Variants in JAG2 observed in about 807,000 individuals in gnomAD.
JAG2 encodes protein jagged-2.
In JAG2, 46 loss-of-function variants were observed where a neutral mutation model predicts 141.7. The ratio of observed to expected loss-of-function variants is 0.32; its 90% CI spans 0.26 to 0.42. The LOEUF is 0.42. JAG2 is among the 10% of genes least tolerant of loss of function. The probability of loss-of-function intolerance (pLI) is 1.00; values close to 1 mark genes in which losing one functional copy is unlikely to be tolerated. For missense variants in JAG2, 1,500 were observed against 1,817.5 expected (o/e 0.83, Z 3.18); for synonymous variants, 862 against 763.5 (o/e 1.13, Z -2.13).
chr14:105,142,728 G>C lies in JAG2; in HGVS notation c.3684C>G (p.Ser1228Arg). ...GPKVDNRAVR[S>R]INEARYAGKE ...TGCCGGCGTAGCGGGCCTCATTGAT[G>C]CTCCTGACCGCGCGGTTGTCCACTT... Residue 1228 changes from serine (S) to arginine (R), a missense_variant, in exon 26 of 26, where the codon AGC becomes AGG. Coordinates refer to ENST00000331782, the MANE Select transcript of JAG2 (RefSeq NM_002226.5). The C allele has an allele frequency of 2.5e-6, 4 of 1,607,910 alleles. No homozygotes were observed. The highest frequency in any genetic ancestry group is 3.4e-6 in the Non-Finnish European group (4 of 1,177,802).
chr14:105,143,240 A>AGGCCTGGGAG, intron 25 of JAG2, 70 bp from the exon 26 acceptor site: 1 of 1,514,516 alleles, frequency 6.6e-7, no homozygotes. Flanking sequence ...CCACACACCC[A>AGGCCTGGGAG]GGCCTGGGAG....
rs1363736087 is a variant in JAG2 at position 105,147,356 on chromosome 14, G to A, written c.2449C>T (p.Pro817Ser). 7 of 1,578,816 alleles carry A rather than the reference G, an allele frequency of 4.4e-6. No homozygotes were observed. Among genetic ancestry groups the A allele is most frequent in the South Asian group, 2.3e-5 (2 of 86,822 alleles). Residue 817 changes from proline (P) to serine (S), a missense_variant, in exon 20 of 26, where the codon CCT becomes TCT. This residue lies in a region of JAG2 where 875 missense variants were observed against 1,202.2 expected (regional missense o/e 0.73). Transcript: ENST00000331782. ...GVNWFRCECA[P>S]GFAGPDCRIN... is the part of the protein sequence containing the mutation. ...CGGCAGTCAGGCCCCGCGAAGCCAG[G>A]TGCACACTCGCAGCGGAACCAGTTG...
At chr14:105,157,983 C>T (rs952588710) in intron 2 of JAG2, among the ~76,000 whole-genome samples, 7 of 152,186 alleles carry the variant, frequency 4.6e-5, no homozygotes, top group Admixed American at 6.5e-5. Flanking sequence ...CTCCAGGCCA[C>T]GCGGGCTCAG....
chr14:105,155,710 C>A, intron 4 of JAG2, 28 bp downstream of exon 4: 1 of 1,612,590 alleles, frequency 6.2e-7, no homozygotes, highest in Non-Finnish European at 8.5e-7. Context: ...CCCTCCCTGC[C>A]CTCCACGCAG....
At chr14:105,159,235 G>A (rs1195939178) in intron 2 of JAG2, among the ~76,000 whole-genome samples, 3 of 149,078 alleles carry the variant, frequency 2.0e-5, no homozygotes, top group African/African-American at 4.9e-5. Flanking sequence ...CCCCGGCCCC[G>A]CCCCCGAGCC....
At chr14:105,147,622 C>A in intron 18 of JAG2, 95 bp from the exon 19 acceptor site, 1 of 1,323,808 alleles carries the variant, frequency 7.6e-7, no homozygotes, top group East Asian at 2.4e-5. Flanking sequence ...GGCTGTGGGG[C>A]TGGGGAGGGT....
Position 105,168,011 on chromosome 14 carries a change from G to C in JAG2, c.163C>G (p.Arg55Gly), listed in dbSNP as rs1181594275. 3.8e-6 allele frequency: 6 copies of C among 1,598,942 alleles called. No homozygotes were observed. The highest frequency in any genetic ancestry group is 5.1e-6 in the Non-Finnish European group (6 of 1,177,086). ...CCGCAGCCCCCCGCGCGCGTTGTCCGGCCGTCGCCGTCACAGCAGGCGCCG... is the reference window on the plus strand; with the variant it reads ...CCGCAGCCCCCCGCGCGCGTTGTCCCGCCGTCGCCGTCACAGCAGGCGCCG... ...LSGACCDGDG[R>G]TTRAGGCGHD... The change falls in exon 2 of 26, where the codon CGG becomes GGG. Residue 55 changes from arginine to glycine, a missense_variant. Arg to Gly is a moderately radical substitution (Grantham distance 125). This residue lies in a region of JAG2 where 200 missense variants were observed against 174.3 expected (regional missense o/e 1.15). Coordinates refer to ENST00000331782, the MANE Select transcript of JAG2 (RefSeq NM_002226.5).
At chr14:105,153,669 C>T (rs1282623188) in intron 5 of JAG2, among the ~76,000 whole-genome samples, 2 of 152,224 alleles carry the variant, frequency 1.3e-5, no homozygotes, top group African/African-American at 2.4e-5. Flanking sequence ...ACAGCTGGGC[C>T]TCCCCGACAG....
Position 105,144,946 on chromosome 14 carries a change from G to T in JAG2, c.3068C>A (p.Ala1023Asp), listed in dbSNP as rs765640374. The change falls in exon 24 of 26, where the codon GCT (alanine) becomes GAT (aspartate). Residue 1023 changes from alanine to aspartate, a missense_variant. Ala to Asp is a moderately radical substitution (Grantham distance 126). This residue lies in a region of JAG2 where 425 missense variants were observed against 441.0 expected (regional missense o/e 0.96). Coordinates refer to ENST00000331782, the MANE Select transcript of JAG2 (RefSeq NM_002226.5). ...GGCACTCACCACGGCCACCTCCACA[G>T]CACTGGCCCCCGAGGACGCCCGGTC... is the stretch of plus-strand genomic sequence containing the variant. ...LCDRASSGAS[A>D]VEVAVSFSPA... is the part of the protein sequence containing the mutation. 2.8e-5 allele frequency: 44 copies of T among 1,599,864 alleles called. 1 individual carries two copies. The Admixed American group carries it at 6.3e-4, about 23-fold the overall frequency.
chr14:105,155,540 G>A, intron 5 of JAG2, 22 bp downstream of exon 5: 1 of 1,612,588 alleles, frequency 6.2e-7, no homozygotes, highest in Non-Finnish European at 8.5e-7. Context: ...GGAGGGCAAA[G>A]ACGGGCCGGC....
intron 2 of JAG2, among the ~76,000 whole-genome samples, chr14:105,158,153 C>T (rs994862503): frequency 1.3e-5 from 2 of 152,168 alleles, no homozygotes; most frequent in South Asian, 4.1e-4. Context: ...AGCCGGGACC[C>T]GAGCGTTTCC....
At chr14:105,148,296 C>A (rs773653051) in intron 16 of JAG2, 30 bp downstream of exon 16, 9 of 1,598,828 alleles carry the variant, frequency 5.6e-6, no homozygotes. Flanking sequence ...TGGGGGCAGC[C>A]CCAGGCGGCC....
intron 2 of JAG2, among the ~76,000 whole-genome samples, chr14:105,166,164 G>GA (rs2140997654): frequency 6.6e-6 from 1 of 152,334 alleles, no homozygotes; most frequent in South Asian, 2.1e-4. Context: ...CCCAGTGCCC[G>GA]GACTCCAAGG....
chr14:105,165,510 C>T (rs1243659032), intron 2 of JAG2, among the ~76,000 whole-genome samples: 2 of 152,194 alleles, frequency 1.3e-5, no homozygotes, highest in African/African-American at 2.4e-5. Context: ...CACCTCTCCA[C>T]ATTCAAGACC....
Position 105,145,886 on chromosome 14 carries a change from T to C in JAG2, c.2797A>G (p.Lys933Glu). The stretch of plus-strand genomic sequence containing the variant: ...GGTCGCAGACACTGGCCTGGGGCCT[T>C]CTCCAGGCACCTTTGCCCCAGTGGG... ...QCPLGQRCLEKAPGQCLRPPC... is the reference protein window; with the variant it reads ...QCPLGQRCLEEAPGQCLRPPC... The change falls in exon 23 of 26, where the codon AAG becomes GAG. Residue 933 changes from lysine (K) to glutamate (E), a missense_variant. Transcript: ENST00000331782. The C allele has an allele frequency of 1.3e-6, 2 of 1,561,940 alleles. No individual in the cohort carries two copies. The highest frequency in any genetic ancestry group is 1.7e-6 in the Non-Finnish European group (2 of 1,154,022).
intron 5 of JAG2, among the ~76,000 whole-genome samples, 185 bp from the exon 6 acceptor site, chr14:105,152,476 T>C (rs1888466305): frequency 6.6e-6 from 1 of 152,124 alleles, no homozygotes; most frequent in South Asian, 2.1e-4. Flanking sequence ...TCACGGGCAT[T>C]CCCGGCCGCT....
chr14:105,146,549 G>A (rs1468394113), intron 21 of JAG2, 49 bp from the exon 22 acceptor site: 16 of 1,605,942 alleles, frequency 1.0e-5, no homozygotes, highest in Admixed American at 3.3e-5. Flanking sequence ...CTGGCCCTCG[G>A]GGCTGGGTGT....
At chr14:105,159,638 C>A (rs1430725239) in intron 2 of JAG2, among the ~76,000 whole-genome samples, 1 of 131,426 alleles carries the variant, frequency 7.6e-6, no homozygotes, top group Admixed American at 7.7e-5. Flanking sequence ...CATCCCCCAA[C>A]GGGGTTCCAT....
rs1448629549 is a variant in JAG2, at chr14:105,155,903, C to T, written c.562G>A (p.Ala188Thr). 3 of 1,612,134 alleles carry T rather than the reference C, an allele frequency of 1.9e-6. No individual in the cohort carries two copies. The highest frequency in any genetic ancestry group is 2.5e-6 in the Non-Finnish European group (3 of 1,179,766). The change falls in exon 4 of 26, where the codon GCG becomes ACG. Residue 188 changes from alanine (A) to threonine (T), a missense_variant. Physicochemically the swap from Ala to Thr is moderately conservative, Grantham distance 58. Transcript: ENST00000331782. ...ACGCGGATCTGCAGCTCCAGGTGCG[C>T]CACGTGGCCGCTGAAGTGCAGGCTC... ...WKSLHFSGHV[A>T]HLELQIRVRC...
Sources: allele counts gnomAD v4.1 joint callset (sites outside exome capture counted in the v4.1 genomes callset), GRCh38; gene constraint gnomAD v4.1.1; regional missense constraint gnomAD v4.1.1; transcripts MANE v1.5; gene names NCBI Gene and HGNC (gene_info 2026-07-23, HGNC 2026-07-21).